Variants in PDZRN4 observed in about 807,000 individuals in gnomAD.
PDZRN4 encodes PDZ domain-containing RING finger protein 4.
In PDZRN4, 70 loss-of-function variants were observed where a neutral mutation model predicts 99.0. The ratio of observed to expected loss-of-function variants is 0.71; its 90% confidence interval spans 0.58 to 0.86. The LOEUF is 0.86. Ranked by LOEUF, PDZRN4 falls within the 40% of genes least tolerant of loss-of-function variation. PDZRN4 has a pLI of 0.00. For missense variants in PDZRN4, 1,474 were observed against 1,331.2 expected (o/e 1.11, Z -1.67); for synonymous variants, 551 against 501.6 (o/e 1.10, Z -1.32).
intron 3 of PDZRN4, among the ~76,000 whole-genome samples, chr12:41,222,317 C>T (rs1950960790): frequency 6.6e-6 from 1 of 152,254 alleles, no homozygotes; most frequent in South Asian, 2.1e-4. Context: ...TCCTTTTCGG[C>T]ATTTCTTTTC....
At chr12:41,341,823 A>AT (rs1951820659) in intron 3 of PDZRN4, among the ~76,000 whole-genome samples, 1 of 151,944 alleles carries the variant, frequency 6.6e-6, no homozygotes, top group Non-Finnish European at 1.5e-5. Context: ...TACCAATGAC[A>AT]TTTTTCACAG....
At chr12:41,462,742 T>C (rs1348815023) in intron 3 of PDZRN4, among the ~76,000 whole-genome samples, 3 of 151,956 alleles carry the variant, frequency 2.0e-5, no homozygotes, top group Non-Finnish European at 4.4e-5. Flanking sequence ...GAATATATTA[T>C]AAAAAATTGA....
rs1939499947 is a variant in PDZRN4, at chr12:41,572,529, A to G, written c.1750A>G (p.Ser584Gly). 6.2e-7 allele frequency: 1 copy of G among 1,614,140 alleles called. No homozygotes were observed. Among genetic ancestry groups the G allele is most frequent in the Admixed American group, 1.7e-5 (1 of 60,018 alleles). ...AEDPNSTSLK[S>G]KRDLGQSQDT... ...GGACCCCAATAGCACATCTTTGAAG[A>G]GCAAGAGAGACCTGGGGCAGAGCCA... Residue 584 changes from serine to glycine, a missense_variant, in exon 10 of 10, where the codon AGC becomes GGC. By Grantham distance (56) the Ser-to-Gly change is moderately conservative. Transcript: ENST00000402685.
Position 41,550,061 on chromosome 12 carries a change from G to A in PDZRN4, c.1204-2595G>A, listed in dbSNP as rs1939025426. On this transcript the variant is annotated intron_variant, in intron 5 of 9. Coordinates refer to ENST00000402685, the MANE Select transcript of PDZRN4 (RefSeq NM_001164595.2). ...TACTTGGGTAAGTGCTTTGATTTGTGGTGTCGAAGAATTATAGGCAGATTG... is the reference window on the plus strand; with the variant it reads ...TACTTGGGTAAGTGCTTTGATTTGTAGTGTCGAAGAATTATAGGCAGATTG... Among the ~76,000 whole-genome samples, 5 of 152,082 alleles carry A rather than the reference G, an allele frequency of 3.3e-5. No individual in the cohort carries two copies. In the South Asian group the frequency reaches 1.0e-3, roughly 32 times the overall value.
intron 3 of PDZRN4, among the ~76,000 whole-genome samples, chr12:41,266,923 A>G (rs1951281201): frequency 6.6e-6 from 1 of 152,158 alleles, no homozygotes; most frequent in Non-Finnish European, 1.5e-5. Context: ...TTTTTCACAG[A>G]TTTTGTAGTA....
At chr12:41,540,872 TG>T (rs1938839566) in intron 5 of PDZRN4, among the ~76,000 whole-genome samples, 1 of 120,344 alleles carries the variant, frequency 8.3e-6, no homozygotes. Context: ...TCGTTGTTGT[TG>T]TTGTTGTTGT....
intron 3 of PDZRN4, among the ~76,000 whole-genome samples, chr12:41,202,341 G>A (rs1258196389): frequency 4.6e-5 from 7 of 152,080 alleles, no homozygotes; most frequent in Non-Finnish European, 1.0e-4. Flanking sequence ...TTGTGCTTTC[G>A]TAAGTACATG....
At chr12:41,469,924 C>A (rs1018574956) in intron 3 of PDZRN4, among the ~76,000 whole-genome samples, 1 of 151,304 alleles carries the variant, frequency 6.6e-6, no homozygotes, top group Non-Finnish European at 1.5e-5. Context: ...AGCGAGACTC[C>A]ATCTCAAAAA....
intron 3 of PDZRN4, among the ~76,000 whole-genome samples, chr12:41,431,905 A>T (rs901033795): frequency 6.6e-6 from 1 of 152,242 alleles, no homozygotes; most frequent in Non-Finnish European, 1.5e-5. Context: ...AATGTTGCAC[A>T]GTGCTGTTAA....
chr12:41,511,535 A>C (rs999025182), intron 5 of PDZRN4, among the ~76,000 whole-genome samples: 6 of 152,110 alleles, frequency 3.9e-5, no homozygotes, highest in African/African-American at 1.4e-4. Context: ...TGAAATAAAG[A>C]ATGTTCCTGT....
chr12:41,484,727 G>GT (rs1937741574), intron 3 of PDZRN4, among the ~76,000 whole-genome samples: 2 of 152,132 alleles, frequency 1.3e-5, no homozygotes, highest in Admixed American at 6.6e-5. Context: ...ACTTAACAGT[G>GT]TATCTTTGGG....
intron 3 of PDZRN4, among the ~76,000 whole-genome samples, chr12:41,416,246 T>C (rs942168860): frequency 5.9e-5 from 9 of 152,222 alleles, no homozygotes; most frequent in African/African-American, 2.2e-4. Flanking sequence ...TAAGTAAATT[T>C]TTATTTTAGA....
intron 5 of PDZRN4, among the ~76,000 whole-genome samples, chr12:41,524,275 G>A (rs1327460974): frequency 1.3e-5 from 2 of 152,138 alleles, no homozygotes; most frequent in Non-Finnish European, 2.9e-5. Context: ...TAGAATGTCT[G>A]TACTACCCAA....
intron 5 of PDZRN4, among the ~76,000 whole-genome samples, chr12:41,545,931 T>C (rs961339164): frequency 2.6e-5 from 4 of 151,924 alleles, no homozygotes; most frequent in African/African-American, 7.3e-5. Flanking sequence ...GTTGAGGTCA[T>C]AATAATCCAC....
At chr12:41,489,370 C>A (rs976848787) in intron 3 of PDZRN4, among the ~76,000 whole-genome samples, 1 of 152,046 alleles carries the variant, frequency 6.6e-6, no homozygotes, top group Non-Finnish European at 1.5e-5. Context: ...GCCCAAAATG[C>A]CAACAGTACT....
intron 3 of PDZRN4, among the ~76,000 whole-genome samples, chr12:41,446,778 A>G (rs1013362830): frequency 3.9e-5 from 6 of 152,028 alleles, no homozygotes; most frequent in African/African-American, 1.4e-4. Flanking sequence ...AGCAAGGGGC[A>G]TCTAAGAAAC....
intron 3 of PDZRN4, among the ~76,000 whole-genome samples, chr12:41,298,417 A>T (rs1951509674): frequency 6.6e-6 from 1 of 152,174 alleles, no homozygotes; most frequent in Admixed American, 6.5e-5. Flanking sequence ...ACGATACCAA[A>T]GCTGCGTTGC....
chr12:41,202,468 G>A (rs1591965869), intron 3 of PDZRN4, among the ~76,000 whole-genome samples: 1 of 152,210 alleles, frequency 6.6e-6, no homozygotes, highest in Non-Finnish European at 1.5e-5. Context: ...TCACAAAGGA[G>A]AGAAAGGTGA....
chr12:41,548,273 T>A (rs914450138), intron 5 of PDZRN4, among the ~76,000 whole-genome samples: 2 of 152,230 alleles, frequency 1.3e-5, no homozygotes, highest in African/African-American at 4.8e-5. Context: ...AATATTTTTA[T>A]AATAGACTAT....
Sources: allele counts gnomAD v4.1 joint callset (sites outside exome capture counted in the v4.1 genomes callset), GRCh38; gene constraint gnomAD v4.1.1; transcripts MANE v1.5; gene names NCBI Gene and HGNC (gene_info 2026-07-23, HGNC 2026-07-21).